Variants in DNAJC5 observed in about 807,000 individuals in gnomAD.
DNAJC5 encodes the protein dnaJ homolog subfamily C member 5.
A neutral mutation model predicts 23.2 loss-of-function variants in DNAJC5; 1 was observed. That is an observed-to-expected ratio of 0.04 (90% CI 0.02 to 0.20). DNAJC5 has a LOEUF of 0.20. Ranked by LOEUF, DNAJC5 falls within the 10% of genes least tolerant of loss-of-function variation. DNAJC5 has a pLI of 1.00. For synonymous variants in DNAJC5, 136 were observed against 120.0 expected, an observed-to-expected ratio of 1.13 and a Z score of -0.87; for missense variants, 180 against 267.0, an observed-to-expected ratio of 0.67 and a Z score of 2.27.
Position 63,929,586 on chromosome 20 carries a change from G to C in DNAJC5, c.321+61G>C. ...TCACTCCTGCCGTGCGGGCACCCGA[G>C]TCTCTCCTGCCGTGCGGGCACCCGA... On this transcript the variant is annotated intron_variant, in intron 3 of 4. Transcript: ENST00000360864. The surrounding 1 kb of genome is among the most constrained non-coding windows in gnomAD (Gnocchi z 8.6). The C allele has an allele frequency of 6.3e-7, 1 of 1,582,874 alleles. No homozygotes were observed. Among genetic ancestry groups the C allele is most frequent in the Non-Finnish European group, 8.6e-7 (1 of 1,163,306 alleles).
intron 1 of DNAJC5, among the ~76,000 whole-genome samples, chr20:63,921,053 G>A (rs530648379): frequency 1.3e-5 from 2 of 152,094 alleles, no homozygotes; most frequent in East Asian, 2.0e-4. Flanking sequence ...TCCACCTCCC[G>A]GGTTCAAGTG....
At chr20:63,904,519 G>C (rs1369552623) in intron 1 of DNAJC5, among the ~76,000 whole-genome samples, 4 of 152,152 alleles carry the variant, frequency 2.6e-5, no homozygotes, top group African/African-American at 4.8e-5. Flanking sequence ...CCTTGAACAG[G>C]GAGCTGGTCC....
At chr20:63,930,026 G>T (rs2053653464) in intron 3 of DNAJC5, among the ~76,000 whole-genome samples, 1 of 152,196 alleles carries the variant, frequency 6.6e-6, no homozygotes, top group African/African-American at 2.4e-5. Flanking sequence ...GAGGAAATAA[G>T]CCTCGATGTT....
At chr20:63,905,835 A>T (rs1309874987) in intron 1 of DNAJC5, among the ~76,000 whole-genome samples, 1 of 151,882 alleles carries the variant, frequency 6.6e-6, no homozygotes, top group South Asian at 2.1e-4. Flanking sequence ...CCTGGGTTCA[A>T]GCGATTCTCC....
intron 1 of DNAJC5, among the ~76,000 whole-genome samples, chr20:63,925,923 G>A (rs1246836763): frequency 6.6e-6 from 1 of 151,072 alleles, no homozygotes; most frequent in Non-Finnish European, 1.5e-5. Context: ...CGCCTTCCGG[G>A]TTAACGTCAT....
intron 1 of DNAJC5, among the ~76,000 whole-genome samples, chr20:63,916,147 C>T (rs190665704): frequency 2.8e-4 from 42 of 152,212 alleles, no homozygotes; most frequent in African/African-American, 9.4e-4. Flanking sequence ...GGGGTTTTGC[C>T]GTGTTGGTCA....
intron 1 of DNAJC5, among the ~76,000 whole-genome samples, chr20:63,901,232 T>TG (rs999529560): frequency 2.0e-5 from 3 of 152,206 alleles, no homozygotes; most frequent in African/African-American, 7.2e-5. Flanking sequence ...CCCAAGGTGC[T>TG]GGGTTTACAG....
In DNAJC5 at chr20:63,931,450, G is replaced by A. The variant is rs529414430; in HGVS notation, c.494-15G>A. On this transcript the variant is annotated splice_polypyrimidine_tract_variant and intron_variant, in intron 4 of 4. Transcript: ENST00000360864. The surrounding 1 kb of genome is among the most constrained non-coding windows in gnomAD (Gnocchi z 9.6). ...CTGTGGCCCTCGTGCAGTGCCCTGT[G>A]TGCTTGCTTTTCAGAGGCCACAGAC... The A allele has an allele frequency of 8.4e-6, 13 of 1,544,220 alleles. No individual in the cohort carries two copies. The highest frequency in any genetic ancestry group is 1.9e-5 in the Admixed American group (1 of 51,914).
At chr20:63,900,344 G>A (rs753771972) in intron 1 of DNAJC5, among the ~76,000 whole-genome samples, 12 of 151,994 alleles carry the variant, frequency 7.9e-5, no homozygotes, top group African/African-American at 1.7e-4. Flanking sequence ...TTGAGAGGCC[G>A]AGGCAGGCGG....
chr20:63,909,815 C>A (rs1490615708), intron 1 of DNAJC5, among the ~76,000 whole-genome samples: 1 of 152,250 alleles, frequency 6.6e-6, no homozygotes. Context: ...TCAGGAGAGC[C>A]TGCGGGGGGC....
intron 1 of DNAJC5, among the ~76,000 whole-genome samples, chr20:63,909,394 T>C (rs2053467887): frequency 6.6e-6 from 1 of 150,958 alleles, no homozygotes; most frequent in Admixed American, 6.6e-5. Context: ...TCCCAGCTAC[T>C]CGGGAGGCTG....
At chr20:63,930,765 C>T in intron 3 of DNAJC5, 86 bp from the exon 4 acceptor site, 11 of 1,602,358 alleles carry the variant, frequency 6.9e-6, no homozygotes, top group Non-Finnish European at 9.3e-6. Flanking sequence ...GCACCCCCTG[C>T]CTTCTGCTGA....
chr20:63,906,649 G>T (rs1030462201), intron 1 of DNAJC5, among the ~76,000 whole-genome samples: 2 of 151,804 alleles, frequency 1.3e-5, no homozygotes, highest in African/African-American at 4.8e-5. Flanking sequence ...GGGTGTGATG[G>T]TGGGCGCCTG....
intron 1 of DNAJC5, among the ~76,000 whole-genome samples, chr20:63,907,633 GGTAA>G (rs1254765163): frequency 3.3e-5 from 5 of 152,124 alleles, no homozygotes; most frequent in African/African-American, 9.7e-5. Context: ...GCAGGCACGT[GGTAA>G]GTGTTTCCTA....
intron 1 of DNAJC5, among the ~76,000 whole-genome samples, chr20:63,902,528 C>G (rs2053420417): frequency 6.6e-6 from 1 of 151,240 alleles, no homozygotes; most frequent in Admixed American, 6.6e-5. Context: ...GCCACCACAC[C>G]CAGCTAATTT....
chr20:63,929,595 G>C lies in DNAJC5; in HGVS notation c.321+70G>C. On this transcript the variant is annotated intron_variant, in intron 3 of 4. Coordinates refer to ENST00000360864, the MANE Select transcript of DNAJC5 (RefSeq NM_025219.3). The surrounding 1 kb of genome is among the most constrained non-coding windows in gnomAD (Gnocchi z 8.6). Reference sequence around the variant, plus strand: ...CCGTGCGGGCACCCGAGTCTCTCCTGCCGTGCGGGCACCCGAGTCACTCCT... The same window carrying C: ...CCGTGCGGGCACCCGAGTCTCTCCTCCCGTGCGGGCACCCGAGTCACTCCT... 1 of 1,516,092 alleles carries C rather than the reference G, an allele frequency of 6.6e-7. No individual in the cohort carries two copies. Among genetic ancestry groups the C allele is most frequent in the Non-Finnish European group, 9.0e-7 (1 of 1,111,242 alleles). 93.9% of individuals were successfully genotyped at this position (1,516,092 alleles called of 1,614,324 possible).
At chr20:63,925,194 AATT>A (rs1281185030) in intron 1 of DNAJC5, among the ~76,000 whole-genome samples, 3 of 152,064 alleles carry the variant, frequency 2.0e-5, no homozygotes, top group Non-Finnish European at 4.4e-5. Context: ...GTAGAAAACC[AATT>A]ATAAGAGGCC....
chr20:63,908,287 G>C (rs1453428779), intron 1 of DNAJC5, among the ~76,000 whole-genome samples: 1 of 152,234 alleles, frequency 6.6e-6, no homozygotes, highest in African/African-American at 2.4e-5. Flanking sequence ...CCTAGGCCAG[G>C]GGGTGAGTGT....
intron 1 of DNAJC5, among the ~76,000 whole-genome samples, chr20:63,905,146 G>A (rs966009145): frequency 6.8e-6 from 1 of 146,424 alleles, no homozygotes; most frequent in African/African-American, 2.5e-5. Flanking sequence ...ATGGGGTCTC[G>A]CTCTTGTCGC....
Sources: allele counts gnomAD v4.1 joint callset (sites outside exome capture counted in the v4.1 genomes callset), GRCh38; gene constraint gnomAD v4.1.1; non-coding constraint Gnocchi (gnomAD v3.1); transcripts MANE v1.5; gene names NCBI Gene and HGNC (gene_info 2026-07-23, HGNC 2026-07-21).